Variants in TRPC7 observed in about 807,000 individuals in gnomAD.
The protein encoded by TRPC7 is transient receptor potential cation channel subfamily C member 7, also known as short transient receptor potential channel 7.
In TRPC7, 42 loss-of-function variants were observed where a neutral mutation model predicts 90.1. That is an observed-to-expected ratio of 0.47 (90% CI 0.36 to 0.60). The LOEUF is 0.60. Ranked by LOEUF, TRPC7 falls within the 20% of genes least tolerant of loss-of-function variation. TRPC7 has a pLI of 0.00. For synonymous variants in TRPC7, 451 were observed against 436.3 expected, an observed-to-expected ratio of 1.03 and a Z score of -0.42; for missense variants, 955 against 1,112.3, an observed-to-expected ratio of 0.86 and a Z score of 2.01.
chr5:136,269,280 C>T (rs1757128342), intron 4 of TRPC7, among the ~76,000 whole-genome samples: 1 of 152,186 alleles, frequency 6.6e-6, no homozygotes, highest in Non-Finnish European at 1.5e-5. Flanking sequence ...AGCTTCCTGG[C>T]CACTATTCTT....
At chr5:136,330,741 C>T (rs563993412) in intron 2 of TRPC7, among the ~76,000 whole-genome samples, 2 of 152,346 alleles carry the variant, frequency 1.3e-5, no homozygotes, top group East Asian at 3.9e-4. Flanking sequence ...GCTAAGTCAC[C>T]AGCAGGTGTG....
intron 3 of TRPC7, among the ~76,000 whole-genome samples, chr5:136,299,165 C>A (rs1012925371): frequency 1.3e-5 from 2 of 151,738 alleles, no homozygotes; most frequent in African/African-American, 4.8e-5. Flanking sequence ...GCTGGGCGTG[C>A]TAGTGCATGC....
intron 3 of TRPC7, among the ~76,000 whole-genome samples, chr5:136,287,456 C>T (rs868801373): frequency 2.0e-5 from 3 of 151,650 alleles, no homozygotes; most frequent in East Asian, 3.9e-4. Context: ...AGTTGAACTC[C>T]CTGCCTTGGA....
At chr5:136,285,587 C>T (rs1757687050) in intron 3 of TRPC7, among the ~76,000 whole-genome samples, 1 of 152,088 alleles carries the variant, frequency 6.6e-6, no homozygotes, top group Non-Finnish European at 1.5e-5. Flanking sequence ...TTTTTCCAGA[C>T]CAAATTTGGA....
intron 1 of TRPC7, 101 bp downstream of exon 1, chr5:136,365,152 G>GAAGA (rs1215353115): frequency 7.5e-7 from 1 of 1,333,408 alleles, no homozygotes; most frequent in African/African-American, 1.4e-5. Context: ...TGCACTAGAG[G>GAAGA]AAGAAGGCTG....
At chr5:136,295,449 G>A (rs945373525) in intron 3 of TRPC7, among the ~76,000 whole-genome samples, 4 of 152,106 alleles carry the variant, frequency 2.6e-5, no homozygotes, top group South Asian at 2.1e-4. Flanking sequence ...CAGTTCATTG[G>A]TCCTTCCCTA....
At chr5:136,354,041 A>C (rs1760281910) in intron 2 of TRPC7, among the ~76,000 whole-genome samples, 1 of 152,230 alleles carries the variant, frequency 6.6e-6, no homozygotes, top group Non-Finnish European at 1.5e-5. Flanking sequence ...ATGGTAGAGA[A>C]CTGTGCAATT....
intron 3 of TRPC7, among the ~76,000 whole-genome samples, chr5:136,296,306 C>A (rs147335925): frequency 6.6e-6 from 1 of 152,084 alleles, no homozygotes; most frequent in Non-Finnish European, 1.5e-5. Context: ...GCAGATGAAA[C>A]CAGGTCATTC....
intron 2 of TRPC7, among the ~76,000 whole-genome samples, chr5:136,342,231 G>C (rs1238518598): frequency 2.6e-5 from 4 of 152,202 alleles, no homozygotes; most frequent in African/African-American, 4.8e-5. Context: ...GGTCCCCCCA[G>C]GGGCTGGGCT....
intron 2 of TRPC7, among the ~76,000 whole-genome samples, chr5:136,328,518 A>G (rs1759410972): frequency 1.3e-5 from 2 of 152,194 alleles, no homozygotes; most frequent in Non-Finnish European, 2.9e-5. Flanking sequence ...GAGAAGGATG[A>G]CTGGGTGGTC....
chr5:136,323,230 C>T (rs1471776684), intron 2 of TRPC7, among the ~76,000 whole-genome samples: 1 of 152,224 alleles, frequency 6.6e-6, no homozygotes, highest in African/African-American at 2.4e-5. Flanking sequence ...CACCTTTGGC[C>T]ATGATTGGGG....
intron 3 of TRPC7, among the ~76,000 whole-genome samples, chr5:136,301,171 C>T (rs1393649239): frequency 6.6e-6 from 1 of 151,950 alleles, no homozygotes; most frequent in Non-Finnish European, 1.5e-5. Context: ...GGACTACAGG[C>T]ACACACCACC....
Position 136,251,817 on chromosome 5 carries a change from A to G in TRPC7, c.1411T>C (p.Trp471Arg). The G allele has an allele frequency of 1.2e-6, 2 of 1,614,028 alleles. No homozygotes were observed. The highest frequency in any genetic ancestry group is 1.7e-6 in the Non-Finnish European group (2 of 1,179,886). ...AGCATCCCGAAATCTAGCAGGTTCC[A>G]CAAGTGCAGCACGTACTCCCGTGGC... ...EGPREYVLHL[W>R]NLLDFGMLSI... is the part of the protein sequence containing the mutation. The change falls in exon 6 of 12, where the codon TGG becomes CGG. Residue 471 changes from tryptophan to arginine, a missense_variant. Trp to Arg is a moderately radical substitution (Grantham distance 101). This residue lies in a region of TRPC7 where 484 missense variants were observed against 509.6 expected (regional missense o/e 0.95). Transcript: ENST00000513104.
intron 2 of TRPC7, among the ~76,000 whole-genome samples, chr5:136,338,181 C>A (rs1759727437): frequency 6.6e-6 from 1 of 152,164 alleles, no homozygotes. Context: ...GTAAATTTCA[C>A]ACTTTAGGTA....
At chr5:136,335,150 G>T (rs1436104683) in intron 2 of TRPC7, among the ~76,000 whole-genome samples, 1 of 152,106 alleles carries the variant, frequency 6.6e-6, no homozygotes, top group Non-Finnish European at 1.5e-5. Context: ...TGATTCCATT[G>T]ATCTCCACAC....
At chr5:136,231,878 G>A (rs771421612) in intron 7 of TRPC7, among the ~76,000 whole-genome samples, 1 of 152,154 alleles carries the variant, frequency 6.6e-6, no homozygotes, top group Non-Finnish European at 1.5e-5. Context: ...GTGCTGGGAT[G>A]ACAGATGTAA....
At chr5:136,244,442 T>A (rs1359443722) in intron 7 of TRPC7, among the ~76,000 whole-genome samples, 2 of 152,182 alleles carry the variant, frequency 1.3e-5, no homozygotes, top group Non-Finnish European at 2.9e-5. Context: ...CAGAGAATAC[T>A]CTGGGCAGTA....
chr5:136,346,437 C>T (rs545154053), intron 2 of TRPC7, among the ~76,000 whole-genome samples: 4 of 152,182 alleles, frequency 2.6e-5, no homozygotes, highest in South Asian at 2.1e-4. Context: ...TTTCCTCTCT[C>T]GGCTGCCCTC....
intron 5 of TRPC7, among the ~76,000 whole-genome samples, chr5:136,263,080 A>T (rs918430472): frequency 6.6e-6 from 1 of 152,248 alleles, no homozygotes; most frequent in African/African-American, 2.4e-5. Flanking sequence ...TCATGAATTC[A>T]TAGAGTGAAA....
Sources: allele counts gnomAD v4.1 joint callset (sites outside exome capture counted in the v4.1 genomes callset), GRCh38; gene constraint gnomAD v4.1.1; regional missense constraint gnomAD v4.1.1; transcripts MANE v1.5; gene names NCBI Gene and HGNC (gene_info 2026-07-23, HGNC 2026-07-21).